Variants in PRKX observed in about 807,000 individuals in gnomAD.
PRKX encodes the protein cAMP-dependent protein kinase catalytic subunit PRKX.
PRKX carries 12 observed loss-of-function variants against 22.0 expected under a neutral mutation model. That is an observed-to-expected ratio of 0.54 (90% CI 0.35 to 0.88). The LOEUF is 0.88. PRKX is among the 40% of genes least tolerant of loss of function. PRKX has a pLI of 0.01. For synonymous variants in PRKX, 134 were observed against 137.7 expected (o/e 0.97, Z 0.19); for missense variants, 217 against 308.0 (o/e 0.70, Z 2.21).
chrX:3,677,004 A>C (rs1233521625), intron 1 of PRKX, among the ~76,000 whole-genome samples: 2 of 111,762 alleles, frequency 1.8e-5, no homozygotes, highest in Non-Finnish European at 3.8e-5. Context: ...TTTATAAATT[A>C]ACCAGTCTCA....
At chrX:3,712,991 C>G (rs866063977) in intron 1 of PRKX, 97 bp downstream of exon 1, 2 of 994,673 alleles carry the variant, frequency 2.0e-6, no homozygotes, top group African/African-American at 4.1e-5. Flanking sequence ...TCAGGGCCCT[C>G]CCCAGGAGGT....
At chrX:3,656,353 T>C (rs1927480586) in intron 2 of PRKX, among the ~76,000 whole-genome samples, 1 of 111,557 alleles carries the variant, frequency 9.0e-6, no homozygotes, top group Non-Finnish European at 1.9e-5. Context: ...TGTAGAGAGA[T>C]GTTAATATAC....
In PRKX at chrX:3,690,188, C is replaced by A. The variant is rs191491420; in HGVS notation, c.167-15422G>T. 3.6e-5 allele frequency among the ~76,000 whole-genome samples: 4 copies of A among 111,043 alleles called. No homozygotes were observed. In the East Asian group the frequency reaches 1.1e-3, roughly 31 times the overall value. ...CTATAACCAGTGGGTGGGGGAGGAA[C>A]AAGATATATTTTTAAGCTTGGAATA... On this transcript the variant is annotated intron_variant, in intron 1 of 8. Transcript: ENST00000262848.
chrX:3,628,787 T>C (rs1200678018), intron 4 of PRKX, among the ~76,000 whole-genome samples: 3 of 109,861 alleles, frequency 2.7e-5, no homozygotes, highest in Non-Finnish European at 5.7e-5. Flanking sequence ...ATGCCTGCAA[T>C]CCCAACACTT....
At chrX:3,615,755 G>T in intron 7 of PRKX, 60 bp downstream of exon 7, 1 of 935,674 alleles carries the variant, frequency 1.1e-6, no homozygotes, top group Non-Finnish European at 1.5e-6. Context: ...GGATTCAGAG[G>T]CAGTCCCTGC....
intron 1 of PRKX, among the ~76,000 whole-genome samples, chrX:3,689,846 G>T: frequency 1.8e-5 from 2 of 111,171 alleles, no homozygotes; most frequent in South Asian, 7.7e-4. Context: ...GTGTGGTGGC[G>T]GAAGCCTGTA....
At chrX:3,684,509 T>C (rs1166862160) in intron 1 of PRKX, among the ~76,000 whole-genome samples, 1 of 111,840 alleles carries the variant, frequency 8.9e-6, no homozygotes, top group Non-Finnish European at 1.9e-5. Context: ...AAAAAGTACC[T>C]ATTAATTACA....
At chrX:3,667,170 G>T (rs1401789526) in intron 2 of PRKX, 1 of 111,458 alleles carries the variant, frequency 9.0e-6, no homozygotes, top group Non-Finnish European at 1.9e-5. Flanking sequence ...TTAGCTGACA[G>T]CAGCACTTTT....
intron 1 of PRKX, among the ~76,000 whole-genome samples, chrX:3,704,527 C>T (rs1011439302): frequency 1.3e-4 from 14 of 111,238 alleles, no homozygotes; most frequent in Middle Eastern, 4.6e-3. Flanking sequence ...AATAGCCTGG[C>T]GTGGTGATGC....
At chrX:3,700,922 C>A (rs1205189781) in intron 1 of PRKX, among the ~76,000 whole-genome samples, 1 of 111,774 alleles carries the variant, frequency 8.9e-6, no homozygotes, top group Non-Finnish European at 1.9e-5. Flanking sequence ...ATGAAGTTGA[C>A]AAGACACAAT....
chrX:3,640,645 C>T (rs1406762286), intron 4 of PRKX, among the ~76,000 whole-genome samples: 1 of 111,552 alleles, frequency 9.0e-6, no homozygotes, highest in Non-Finnish European at 1.9e-5. Flanking sequence ...GTATCACAGG[C>T]GTTGGAACGA....
rs1162437088 is a variant in PRKX at position 3,611,256 on chromosome X, C to T, written c.*23+921G>A. 22 of 112,434 alleles carry T rather than the reference C, an allele frequency of 2.0e-4. 1 individual carries two copies. The Admixed American group carries it at 2.1e-3, about 11-fold the overall frequency. 9.3% of individuals were successfully genotyped at this position (112,434 alleles called of 1,213,427 possible). A position where few individuals can be genotyped will look rare whatever the true frequency, so the allele number is the denominator to read the frequency against. On this transcript the variant is annotated intron_variant, in intron 8 of 8. Coordinates refer to ENST00000262848, the MANE Select transcript of PRKX (RefSeq NM_005044.5). ...CAGCAGGTTGGTTCCTCTCCCCAGT[C>T]AGCAATTGTGACATTTGGTGTCTGT...
intron 4 of PRKX, among the ~76,000 whole-genome samples, chrX:3,641,003 C>A (rs765141233): frequency 8.9e-6 from 1 of 111,756 alleles, no homozygotes; most frequent in Admixed American, 9.5e-5. Context: ...GAACCCTCAG[C>A]TCCAGGAATT....
intron 1 of PRKX, among the ~76,000 whole-genome samples, chrX:3,683,005 C>T (rs1338578435): frequency 6.8e-5 from 7 of 103,645 alleles, no homozygotes; most frequent in Admixed American, 2.1e-4. Context: ...AGGCAGAGAC[C>T]GCAGTGATGC....
At chrX:3,620,731 C>T (rs1264912781) in intron 6 of PRKX, among the ~76,000 whole-genome samples, 10 of 112,024 alleles carry the variant, frequency 8.9e-5, no homozygotes, top group African/African-American at 1.3e-4. Context: ...GGTCGGGGAC[C>T]GCTGGCTTAG....
At chrX:3,635,841 T>A (rs1227139309) in intron 4 of PRKX, among the ~76,000 whole-genome samples, 1 of 111,885 alleles carries the variant, frequency 8.9e-6, no homozygotes, top group Non-Finnish European at 1.9e-5. Flanking sequence ...TTCTTCTGTC[T>A]CAGCCTCCCA....
At chrX:3,618,940 C>T (rs1376483652) in intron 6 of PRKX, among the ~76,000 whole-genome samples, 1 of 111,975 alleles carries the variant, frequency 8.9e-6, no homozygotes, top group Non-Finnish European at 1.9e-5. Context: ...GAGTCCACAC[C>T]GTGCAACCTG....
chrX:3,651,066 G>A (rs1927321697), intron 3 of PRKX, among the ~76,000 whole-genome samples: 1 of 106,847 alleles, frequency 9.4e-6, no homozygotes, highest in Non-Finnish European at 1.9e-5. Flanking sequence ...CTTCCCTGGG[G>A]CCGGGCCAGC....
At chrX:3,624,371 G>C (rs1926619036) in intron 5 of PRKX, among the ~76,000 whole-genome samples, 1 of 110,893 alleles carries the variant, frequency 9.0e-6, no homozygotes, top group African/African-American at 3.3e-5. Flanking sequence ...GCACTGTGGG[G>C]AACACTGGAA....
Sources: gnomAD v4.1 joint callset for allele counts (sites outside exome capture counted in the v4.1 genomes callset) on GRCh38, gnomAD v4.1.1 for gene constraint, MANE v1.5 for transcripts, NCBI Gene and HGNC (gene_info 2026-07-23, HGNC 2026-07-21) for gene names.